Variants in COL22A1 observed in about 807,000 individuals in gnomAD.
The protein encoded by COL22A1 is collagen type XXII alpha 1 chain, also known as collagen alpha-1(XXII) chain.
A neutral mutation model predicts 248.9 loss-of-function variants in COL22A1; 221 were observed. That is an observed-to-expected ratio of 0.89 (90% CI 0.80 to 0.99). COL22A1 has a LOEUF of 0.99. COL22A1 is among the 50% of genes least tolerant of loss of function. The pLI, the probability that COL22A1 is intolerant of heterozygous loss-of-function variation, is 0.00. For synonymous variants in COL22A1, 891 were observed against 793.4 expected, an observed-to-expected ratio of 1.12 and a Z score of -2.07; for missense variants, 2,240 against 2,179.0, an observed-to-expected ratio of 1.03 and a Z score of -0.56.
chr8:138,907,016 C>T (rs1395021229), intron 1 of COL22A1, among the ~76,000 whole-genome samples: 2 of 152,170 alleles, frequency 1.3e-5, no homozygotes, highest in African/African-American at 4.8e-5. Flanking sequence ...CTAGATGCTA[C>T]CAGGACCCGG....
intron 4 of COL22A1, among the ~76,000 whole-genome samples, chr8:138,835,662 C>T (rs1164436114): frequency 6.6e-6 from 1 of 152,150 alleles, no homozygotes; most frequent in Admixed American, 6.5e-5. Context: ...TGAGCTGTAA[C>T]GCAGCCTTGG....
At chr8:138,720,501 C>G (rs909891573) in intron 27 of COL22A1, among the ~76,000 whole-genome samples, 1 of 152,006 alleles carries the variant, frequency 6.6e-6, no homozygotes, top group Non-Finnish European at 1.5e-5. Flanking sequence ...TCCGAGGAAC[C>G]ACTCCCTCCT....
At chr8:138,642,539 T>A (rs185567439) in intron 47 of COL22A1, among the ~76,000 whole-genome samples, 1 of 152,272 alleles carries the variant, frequency 6.6e-6, no homozygotes, top group East Asian at 1.9e-4. Context: ...GTTCTTTTTT[T>A]CTGGATGGAA....
intron 1 of COL22A1, among the ~76,000 whole-genome samples, chr8:138,910,630 G>C (rs1379378778): frequency 1.3e-5 from 2 of 151,992 alleles, no homozygotes; most frequent in Non-Finnish European, 2.9e-5. Flanking sequence ...TTCTTGAATA[G>C]GGGATTGGCT....
intron 62 of COL22A1, among the ~76,000 whole-genome samples, chr8:138,595,193 G>C (rs1388873327): frequency 2.0e-5 from 3 of 152,168 alleles, no homozygotes; most frequent in Non-Finnish European, 2.9e-5. Flanking sequence ...ACTTCCCAGA[G>C]TGTCTCCCTC....
intron 1 of COL22A1, 68 bp from the exon 2 acceptor site, chr8:138,883,312 C>T: frequency 3.5e-6 from 3 of 865,100 alleles, no homozygotes; most frequent in South Asian, 3.5e-5. Context: ...AAACTCTGGG[C>T]CCTGCCCAGG....
chr8:138,692,079 T>C (rs1230360166), intron 35 of COL22A1, among the ~76,000 whole-genome samples: 4 of 126,014 alleles, frequency 3.2e-5, no homozygotes, highest in Non-Finnish European at 5.0e-5. Context: ...TGGAGGTGTA[T>C]GTGTATACGT....
At chr8:138,749,310 G>A (rs1056555947) in intron 22 of COL22A1, among the ~76,000 whole-genome samples, 1 of 152,162 alleles carries the variant, frequency 6.6e-6, no homozygotes, top group African/African-American at 2.4e-5. Flanking sequence ...TGGGCAAGAT[G>A]TTCCCTCCTT....
chr8:138,870,590 T>C (rs1218409241), intron 3 of COL22A1, among the ~76,000 whole-genome samples: 2 of 151,850 alleles, frequency 1.3e-5, no homozygotes, highest in Admixed American at 1.3e-4. Flanking sequence ...ATGGTGTTTG[T>C]GCATGTGTTC....
intron 3 of COL22A1, among the ~76,000 whole-genome samples, chr8:138,874,485 C>T (rs1247769344): frequency 6.6e-6 from 1 of 152,222 alleles, no homozygotes; most frequent in Non-Finnish European, 1.5e-5. Flanking sequence ...AATATTCAAC[C>T]TATTTCCACT....
chr8:138,596,095 T>C (rs1029627617), intron 62 of COL22A1, among the ~76,000 whole-genome samples: 2 of 152,236 alleles, frequency 1.3e-5, no homozygotes, highest in Non-Finnish European at 2.9e-5. Context: ...TGAGATTGTT[T>C]GGAGGCTGCT....
intron 47 of COL22A1, among the ~76,000 whole-genome samples, chr8:138,646,332 G>T (rs910751681): frequency 2.0e-5 from 3 of 152,166 alleles, no homozygotes; most frequent in African/African-American, 7.2e-5. Context: ...GAGTTAAGTG[G>T]AGGCGTCTGA....
intron 16 of COL22A1, among the ~76,000 whole-genome samples, chr8:138,773,539 A>G (rs1364444148): frequency 1.3e-5 from 2 of 152,180 alleles, no homozygotes; most frequent in Non-Finnish European, 2.9e-5. Flanking sequence ...TCATTTATTG[A>G]TTTAGCAAAT....
At position 138,591,474 on chromosome 8, in the gene COL22A1, C is replaced by T. The variant is rs149942427; in HGVS notation, c.4643G>A (p.Gly1548Asp). 1.9e-6 allele frequency: 3 copies of T among 1,576,560 alleles called. No individual in the cohort carries two copies. Among genetic ancestry groups the T allele is most frequent in the African/African-American group, 2.7e-5 (2 of 73,212 alleles). Residue 1548 changes from glycine (G) to aspartate (D), a missense_variant, in exon 64 of 65, where the codon GGT (glycine) becomes GAT (aspartate). Physicochemically the swap from Gly to Asp is moderately conservative, Grantham distance 94 (BLOSUM62 -1). Transcript: ENST00000303045. ...KGERGAKGDPGAPGVGLRGEM... is the reference protein window; with the variant it reads ...KGERGAKGDPDAPGVGLRGEM... ...GCCTCGGAGGCCAACTCCAGGTGCA[C>T]CTGGGTCACCTTTGGCTCCTCGCTC...
At chr8:138,858,345 T>C (rs10113464) in intron 3 of COL22A1, among the ~76,000 whole-genome samples, 82,404 of 152,016 alleles carry the variant, frequency 0.54, 23,191 homozygotes, top group East Asian at 0.75. Flanking sequence ...GAATTTTTTT[T>C]CTTTTTTTCT....
At chr8:138,626,772 C>T (rs1820279093) in intron 50 of COL22A1, among the ~76,000 whole-genome samples, 1 of 152,164 alleles carries the variant, frequency 6.6e-6, no homozygotes, top group African/African-American at 2.4e-5. Context: ...AATTGCTTTA[C>T]TATCTCTTTC....
At chr8:138,812,026 T>G (rs1586805535) in intron 8 of COL22A1, 105 bp from the exon 9 acceptor site, 1 of 1,320,388 alleles carries the variant, frequency 7.6e-7, no homozygotes, top group Non-Finnish European at 1.0e-6. Context: ...CAGCCAAAGG[T>G]TGAGAAAACG....
chr8:138,812,285 T>C (rs915220510), intron 8 of COL22A1, among the ~76,000 whole-genome samples: 51 of 152,322 alleles, frequency 3.3e-4, no homozygotes, highest in African/African-American at 1.1e-3. Flanking sequence ...GCTGTCTATC[T>C]GCATGCCACA....
chr8:138,623,078 C>A (rs149977094), intron 52 of COL22A1, among the ~76,000 whole-genome samples: 1 of 151,818 alleles, frequency 6.6e-6, no homozygotes, highest in East Asian at 1.9e-4. Context: ...CTGTAAATCC[C>A]TGCACATTCC....
Sources: allele counts gnomAD v4.1 joint callset (sites outside exome capture counted in the v4.1 genomes callset), GRCh38; gene constraint gnomAD v4.1.1; transcripts MANE v1.5; gene names NCBI Gene and HGNC (gene_info 2026-07-23, HGNC 2026-07-21).